TIAM2: variants seen among roughly 807,000 people sequenced by gnomAD.
TIAM2 encodes rho guanine nucleotide exchange factor TIAM2.
In TIAM2, 80 loss-of-function variants were observed where a neutral mutation model predicts 152.9. The ratio of observed to expected loss-of-function variants is 0.52; its 90% CI spans 0.44 to 0.63. The LOEUF is 0.63. TIAM2 is among the 30% of genes least tolerant of loss of function. TIAM2 has a pLI of 0.00. For missense variants in TIAM2, 1,965 were observed against 2,120.1 expected (o/e 0.93, Z 1.44); for synonymous variants, 804 against 838.0 (o/e 0.96, Z 0.70).
intron 1 of TIAM2, among the ~76,000 whole-genome samples, chr6:155,048,284 T>G (rs1777247349): frequency 6.6e-6 from 1 of 152,092 alleles, no homozygotes; most frequent in South Asian, 2.1e-4. Context: ...TTTATTTTTA[T>G]TTTGTAGAGA....
chr6:155,252,113 CT>C, intron 23 of TIAM2, 110 bp downstream of exon 23: 1 of 786,948 alleles, frequency 1.3e-6, no homozygotes, highest in Non-Finnish European at 2.1e-6. Flanking sequence ...ACTGATACTG[CT>C]TACTCTGAGG....
chr6:155,118,578 G>A (rs1470378801), intron 2 of TIAM2, among the ~76,000 whole-genome samples: 1 of 151,492 alleles, frequency 6.6e-6, no homozygotes, highest in South Asian at 2.1e-4. Flanking sequence ...AATTACAGGC[G>A]CCCGCCACCA....
intron 1 of TIAM2, among the ~76,000 whole-genome samples, chr6:155,075,713 A>G (rs1777941269): frequency 6.6e-6 from 1 of 152,220 alleles, no homozygotes; most frequent in Non-Finnish European, 1.5e-5. Flanking sequence ...GATACCTTAT[A>G]TGCATAGCCC....
chr6:155,215,704 GT>G (rs1387034084), intron 15 of TIAM2, among the ~76,000 whole-genome samples: 2 of 144,220 alleles, frequency 1.4e-5, no homozygotes, highest in Non-Finnish European at 3.0e-5. Flanking sequence ...CTGTTCCGTG[GT>G]TTTTTTAAAA....
rs573234812 is a variant in TIAM2 at position 155,016,616 on chromosome 6, C to T, written c.-209+21124C>T. Among the ~76,000 whole-genome samples the T allele has an allele frequency of 1.2e-4, 16 of 133,216 alleles. No homozygotes were observed. In the South Asian group the frequency reaches 2.8e-3, roughly 24 times the overall value. The allele number at this position is 133,216 out of a possible 152,430, so 87.4% of individuals were successfully genotyped here. A position where few individuals can be genotyped will look rare whatever the true frequency, so the allele number is the denominator to read the frequency against. ...GGTAAATTAAAAAAACCAGACTGCTCGACTGGGCTTGGTGGCTCATGCCTG... is the reference window on the plus strand; with the variant it reads ...GGTAAATTAAAAAAACCAGACTGCTTGACTGGGCTTGGTGGCTCATGCCTG... On this transcript the variant is annotated intron_variant, in intron 1 of 26. Coordinates refer to ENST00000682666, the MANE Select transcript of TIAM2 (RefSeq NM_012454.4).
intron 22 of TIAM2, 123 bp from the exon 23 acceptor site, chr6:155,251,822 A>G: frequency 1.4e-6 from 1 of 727,366 alleles, no homozygotes; most frequent in Non-Finnish European, 2.3e-6. Context: ...TCATGTTGGC[A>G]GAGTGAGGTC....
intron 2 of TIAM2, among the ~76,000 whole-genome samples, chr6:155,123,527 GA>G (rs1488512632): frequency 2.6e-5 from 4 of 152,168 alleles, no homozygotes; most frequent in Admixed American, 6.5e-5. Context: ...TGTGTTTTTA[GA>G]AATATCCCAT....
At chr6:155,179,804 GTCTTTGC>G (rs1201023088) in intron 12 of TIAM2, among the ~76,000 whole-genome samples, 3 of 152,144 alleles carry the variant, frequency 2.0e-5, no homozygotes, top group Non-Finnish European at 4.4e-5. Context: ...CATCTCTAGT[GTCTTTGC>G]TCTTAGTTTT....
intron 1 of TIAM2, among the ~76,000 whole-genome samples, chr6:155,071,845 G>A (rs1043839650): frequency 1.3e-5 from 2 of 150,422 alleles, no homozygotes; most frequent in Admixed American, 6.6e-5. Flanking sequence ...ACAGTGAACC[G>A]AGATCGCGTC....
At chr6:155,038,320 A>ACTGGG (rs1776959446) in intron 1 of TIAM2, among the ~76,000 whole-genome samples, 1 of 152,156 alleles carries the variant, frequency 6.6e-6, no homozygotes, top group Non-Finnish European at 1.5e-5. Flanking sequence ...TCCTTCCCCC[A>ACTGGG]GATGGGATGC....
At chr6:155,089,467 A>G (rs1267243531) in intron 1 of TIAM2, among the ~76,000 whole-genome samples, 1 of 152,164 alleles carries the variant, frequency 6.6e-6, no homozygotes, top group Non-Finnish European at 1.5e-5. Flanking sequence ...TTGGCCTCCC[A>G]AAGTGCTGGG....
chr6:155,149,712 C>T (rs2115067946), intron 7 of TIAM2, among the ~76,000 whole-genome samples: 1 of 152,170 alleles, frequency 6.6e-6, no homozygotes, highest in South Asian at 2.1e-4. Flanking sequence ...CACCTGAGGT[C>T]AGGAGTTTGA....
intron 1 of TIAM2, among the ~76,000 whole-genome samples, chr6:155,062,367 G>C (rs547218284): frequency 6.6e-6 from 1 of 152,198 alleles, no homozygotes; most frequent in Non-Finnish European, 1.5e-5. Context: ...GAGTAGAATT[G>C]TTAGGTTGTA....
intron 15 of TIAM2, among the ~76,000 whole-genome samples, chr6:155,231,396 G>T (rs1219075564): frequency 6.6e-6 from 1 of 152,152 alleles, no homozygotes; most frequent in East Asian, 1.9e-4. Flanking sequence ...GTACCATTTT[G>T]ATAAATATAA....
rs543173995 is a variant in TIAM2, at chr6:155,240,600, G to A, written c.3239G>A (p.Arg1080Gln). The part of the protein sequence containing the change: ...DSQANGMEGP[R>Q]ENQDPPPRSL... ...CAGGCCAACGGCATGGAAGGACCGC[G>A]GGAGAATCAGGATCCTCCTCCGAGG... Residue 1080 changes from arginine to glutamine, a missense_variant, in exon 16 of 27, where the codon CGG (arginine) becomes CAG (glutamine). Arg to Gln is a conservative substitution (Grantham distance 43, BLOSUM62 1). Around this residue, in one of 3 missense-constraint regions of TIAM2, gnomAD observed 935 missense variants for 980.0 expected, o/e 0.95. Coordinates refer to ENST00000682666, the MANE Select transcript of TIAM2 (RefSeq NM_012454.4). 74 of 1,614,026 alleles carry A rather than the reference G, an allele frequency of 4.6e-5. No individual in the cohort carries two copies. Among genetic ancestry groups the A allele is most frequent in the South Asian group, 1.9e-4 (17 of 91,092 alleles).
At chr6:155,164,633 T>C in intron 8 of TIAM2, 33 bp downstream of exon 8, 1 of 1,585,208 alleles carries the variant, frequency 6.3e-7, no homozygotes, top group South Asian at 1.1e-5. Context: ...TTCTGCAGCA[T>C]TCGGGGAGGG....
intron 7 of TIAM2, chr6:155,149,204 C>T (rs1252666206): frequency 6.0e-6 from 1 of 167,110 alleles, no homozygotes; most frequent in Non-Finnish European, 1.5e-5. Flanking sequence ...GCCAGCAGGG[C>T]AAGGCAGCTC....
At chr6:155,082,610 A>C (rs897588037) in intron 1 of TIAM2, among the ~76,000 whole-genome samples, 1 of 151,730 alleles carries the variant, frequency 6.6e-6, no homozygotes, top group Non-Finnish European at 1.5e-5. Context: ...AGATTGTACC[A>C]TTGCACTCCG....
chr6:155,138,355 C>A (rs547316708), intron 5 of TIAM2, among the ~76,000 whole-genome samples: 2 of 151,958 alleles, frequency 1.3e-5, no homozygotes, highest in African/African-American at 4.8e-5. Context: ...CTAAGATTAT[C>A]ATCTGGATTA....
Sources: gnomAD v4.1 joint callset for allele counts (sites outside exome capture counted in the v4.1 genomes callset) on GRCh38, gnomAD v4.1.1 for gene constraint, gnomAD v4.1.1 regional missense constraint, MANE v1.5 for transcripts, NCBI Gene and HGNC (gene_info 2026-07-23, HGNC 2026-07-21) for gene names.